ZNF263: variants seen among roughly 807,000 people sequenced by gnomAD.
ZNF263 encodes zinc finger protein 263, also known as zinc finger protein FPM315.
A neutral mutation model predicts 63.1 loss-of-function variants in ZNF263; 49 were observed. The ratio of observed to expected loss-of-function variants is 0.78; its 90% confidence interval spans 0.62 to 0.99. ZNF263 has a LOEUF of 0.99. Among genes scored for constraint, ZNF263 ranks in the 50% least tolerant of loss-of-function variants. ZNF263 has a pLI of 0.00. For synonymous variants in ZNF263, 352 were observed against 324.2 expected (o/e 1.09, Z -0.92); for missense variants, 872 against 854.8 (o/e 1.02, Z -0.25).
At chr16:3,298,388 T>A (rs1242912782) in intron 1 of ZNF263, among the ~76,000 whole-genome samples, 1 of 152,254 alleles carries the variant, frequency 6.6e-6, no homozygotes, top group Non-Finnish European at 1.5e-5. Context: ...CCATAAAATA[T>A]GTTAAGACAG....
In ZNF263 at chr16:3,291,021, A is replaced by C. The variant is rs899738960; in HGVS notation, c.*463A>C. 2.1e-5 allele frequency: 21 copies of C among 997,434 alleles called. No individual in the cohort carries two copies. Among genetic ancestry groups the C allele is most frequent in the Non-Finnish European group, 2.3e-5 (19 of 835,732 alleles). The allele number at this position is 997,434 out of a possible 1,614,324, so 61.8% of individuals were successfully genotyped here. A position where few individuals can be genotyped will look rare whatever the true frequency, so the allele number is the denominator to read the frequency against. ...ACCCTGGGAAATCAGCTGAAGGTCA[A>C]CAAAAGACTGGTTGTGAGTTGCAGC... On this transcript the variant is annotated 3_prime_UTR_variant, in exon 6 of 6. Transcript: ENST00000219069.
rs1487165579 is a variant in ZNF263 at position 3,290,236 on chromosome 16, G to A, written c.1730G>A (p.Cys577Tyr). Reference protein sequence around the residue: ...AHKAEKKLFECLTCGKSFRQG... With the variant: ...AHKAEKKLFEYLTCGKSFRQG... ...AAGGCAGAGAAGAAGCTCTTTGAAT[G>A]TTTGACTTGTGGGAAAAGCTTCCGG... Residue 577 changes from cysteine (C) to tyrosine (Y), a missense_variant, in exon 6 of 6, where the codon TGT becomes TAT. Transcript: ENST00000219069. 1 of 1,614,150 alleles carries A rather than the reference G, an allele frequency of 6.2e-7. No homozygotes were observed. Among genetic ancestry groups the A allele is most frequent in the Admixed American group, 1.7e-5 (1 of 60,006 alleles).
chr16:3,289,967 G>A lies in ZNF263; in HGVS notation c.1461G>A (p.Glu487=). 6.2e-7 allele frequency: 1 copy of A among 1,613,836 alleles called. No homozygotes were observed. The highest frequency in any genetic ancestry group is 8.5e-7 in the Non-Finnish European group (1 of 1,179,954). Residue 487 remains glutamate, a synonymous_variant, in exon 6 of 6, where the codon GAG becomes GAA. Transcript: ENST00000219069. ...LHRHQRTHTG[E]KPYKCPECGE... is the part of the protein sequence containing the mutation. The stretch of plus-strand genomic sequence containing the variant: ...GGCACCAGAGAACGCACACTGGGGA[G>A]AAGCCCTACAAGTGCCCTGAGTGTG...
At position 3,290,829 on chromosome 16, in the gene ZNF263, C is replaced by G; in HGVS notation, c.*271C>G. On this transcript the variant is annotated 3_prime_UTR_variant, in exon 6 of 6. Transcript: ENST00000219069. Reference sequence around the variant, plus strand: ...CCCTGCCCCAGGGTGCTCCTACCCTCTTGGTCTTTTTAAAGCCAAGGTGCG... The same window carrying G: ...CCCTGCCCCAGGGTGCTCCTACCCTGTTGGTCTTTTTAAAGCCAAGGTGCG... 7.5e-6 allele frequency: 9 copies of G among 1,195,120 alleles called. No individual in the cohort carries two copies. The highest frequency in any genetic ancestry group is 8.3e-6 in the Non-Finnish European group (8 of 961,138). The allele number at this position is 1,195,120 out of a possible 1,614,324, so 74.0% of individuals were successfully genotyped here.
chr16:3,288,878 G>T (rs1473758659), intron 5 of ZNF263, among the ~76,000 whole-genome samples: 1 of 152,102 alleles, frequency 6.6e-6, no homozygotes, highest in Non-Finnish European at 1.5e-5. Context: ...CTGACCTCAG[G>T]TGATCCACCC....
rs765822829 is a variant in ZNF263 at position 3,286,044 on chromosome 16, G to A, written c.664G>A (p.Val222Met). Residue 222 changes from valine (V) to methionine (M), a missense_variant, in exon 4 of 6, where the codon GTG (valine) becomes ATG (methionine). By Grantham distance (21) the Val-to-Met change is conservative. Transcript: ENST00000219069. ...GPQLPESLED[V>M]AMYISQEEWG... Reference sequence around the variant, plus strand: ...TCAGTTGCCTGAGAGCTTAGAGGACGTGGCAATGTACATCTCCCAGGAGGA... The same window carrying A: ...TCAGTTGCCTGAGAGCTTAGAGGACATGGCAATGTACATCTCCCAGGAGGA... 17 of 1,613,338 alleles carry A rather than the reference G, an allele frequency of 1.1e-5. No homozygotes were observed. The highest frequency in any genetic ancestry group is 1.0e-4 in the Admixed American group (6 of 59,786).
chr16:3,287,681 G>C (rs1188018856), intron 4 of ZNF263, among the ~76,000 whole-genome samples: 1 of 151,870 alleles, frequency 6.6e-6, no homozygotes, highest in African/African-American at 2.4e-5. Context: ...TTTCTTTTTG[G>C]CACAGCATAG....
intron 2 of ZNF263, chr16:3,299,669 A>C: frequency 6.5e-7 from 1 of 1,548,188 alleles, no homozygotes; most frequent in Non-Finnish European, 8.7e-7. Flanking sequence ...AAGAACATAC[A>C]TTTTATTCGA....
In ZNF263 at chr16:3,291,456, A is replaced by G; in HGVS notation, c.*898A>G. On this transcript the variant is annotated 3_prime_UTR_variant, in exon 6 of 6. Transcript: ENST00000219069. ...ATGGGAATAAATATCTTCAGGAAACATAAATGTCTGTGAGTCTTCAATGAA... is the reference window on the plus strand; with the variant it reads ...ATGGGAATAAATATCTTCAGGAAACGTAAATGTCTGTGAGTCTTCAATGAA... The G allele has an allele frequency of 1.0e-6, 1 of 985,482 alleles. No homozygotes were observed. Among genetic ancestry groups the G allele is most frequent in the African/African-American group, 1.7e-5 (1 of 57,378 alleles). The allele number at this position is 985,482 out of a possible 1,614,324, so 61.0% of individuals were successfully genotyped here.
intron 1 of ZNF263, 139 bp from the exon 2 acceptor site, chr16:3,284,920 T>G (rs1959284566): frequency 9.4e-7 from 1 of 1,064,534 alleles, no homozygotes; most frequent in East Asian, 2.6e-5. Context: ...AAGCCTTTAG[T>G]GTAAACCATT....
chr16:3,294,414 TAGG>T (rs1214932709), downstream of ZNF263, among the ~76,000 whole-genome samples: 3 of 152,202 alleles, frequency 2.0e-5, no homozygotes, highest in African/African-American at 4.8e-5. Flanking sequence ...TTCTTAGCAC[TAGG>T]AGACTTAATT....
At chr16:3,287,405 CTTTTTT>C (rs34751211) in intron 4 of ZNF263, among the ~76,000 whole-genome samples, 3 of 97,866 alleles carry the variant, frequency 3.1e-5, no homozygotes, top group South Asian at 3.3e-4. Context: ...CACACCCGGC[CTTTTTT>C]TTTTTTTTTT....
At chr16:3,285,009 C>G in intron 1 of ZNF263, 50 bp from the exon 2 acceptor site, 1 of 1,601,404 alleles carries the variant, frequency 6.2e-7, no homozygotes, top group Non-Finnish European at 8.5e-7. Context: ...ACTAATTTCC[C>G]TTCCTCTTGG....
downstream of ZNF263, among the ~76,000 whole-genome samples, chr16:3,294,421 CTT>C (rs1959693395): frequency 2.0e-5 from 3 of 152,112 alleles, no homozygotes; most frequent in East Asian, 1.9e-4. Context: ...CACTAGGAGA[CTT>C]AATTTTGGAG....
At chr16:3,292,382 T>A (rs2150775419), downstream of ZNF263, among the ~76,000 whole-genome samples, 1 of 152,288 alleles carries the variant, frequency 6.6e-6, no homozygotes, top group African/African-American at 2.4e-5. Context: ...TAACTTCCTC[T>A]TAATCAGCTT....
intron 3 of ZNF263, 45 bp from the exon 4 acceptor site, chr16:3,285,978 G>A (rs920104463): frequency 6.2e-7 from 1 of 1,613,576 alleles, no homozygotes; most frequent in Non-Finnish European, 8.5e-7. Flanking sequence ...TGCTTGAATT[G>A]TTCTTGGTGC....
rs1959604025 is a variant in ZNF263 at position 3,291,272 on chromosome 16, T to TC, written c.*720dup. Reference sequence around the variant, plus strand: ...GATAACCCTTTGTGGAGAATGAGATTCCCCCCACCTGTGTGAGAAAAATAA... The same window carrying TC: ...GATAACCCTTTGTGGAGAATGAGATTCCCCCCCACCTGTGTGAGAAAAATAA... On this transcript the variant is annotated 3_prime_UTR_variant, in exon 6 of 6. Transcript: ENST00000219069. 1.3e-5 allele frequency: 13 copies of TC among 984,976 alleles called. No homozygotes were observed. The South Asian group carries it at 5.6e-4, about 43-fold the overall frequency. The allele number at this position is 984,976 out of a possible 1,614,324, so 61.0% of individuals were successfully genotyped here.
At chr16:3,295,652 G>A (rs1033184906), downstream of ZNF263, among the ~76,000 whole-genome samples, 3 of 152,254 alleles carry the variant, frequency 2.0e-5, no homozygotes, top group African/African-American at 7.2e-5. Flanking sequence ...CCCACGAAGT[G>A]TCTGAAGCCC....
Position 3,286,338 on chromosome 16 carries a change from C to T in ZNF263, c.769+189C>T, listed in dbSNP as rs564428902. The T allele has an allele frequency of 1.3e-3, 988 of 763,080 alleles. 1 individual carries two copies. The highest frequency in any genetic ancestry group is 1.7e-3 in the Non-Finnish European group (868 of 525,536). The allele number at this position is 763,080 out of a possible 1,614,324, so 47.3% of individuals were successfully genotyped here. A position where few individuals can be genotyped will look rare whatever the true frequency, so the allele number is the denominator to read the frequency against. ...AGTGGTACAGTTGGCACAGGCAGCC[C>T]GGGACTGGAGTCCCAGCTGCCAGAG... is the stretch of plus-strand genomic sequence containing the variant. On this transcript the variant is annotated intron_variant, in intron 4 of 5. Transcript: ENST00000219069.
Sources: allele counts gnomAD v4.1 joint callset (sites outside exome capture counted in the v4.1 genomes callset), GRCh38; gene constraint gnomAD v4.1.1; transcripts MANE v1.5; gene names NCBI Gene and HGNC (gene_info 2026-07-23, HGNC 2026-07-21).